Variants in WWOX observed in about 807,000 individuals in gnomAD.
WWOX encodes WW domain-containing oxidoreductase.
WWOX carries 69 observed loss-of-function variants against 46.2 expected under a neutral mutation model. The ratio of observed to expected loss-of-function variants is 1.49; its 90% confidence interval spans 1.23 to 1.82. The LOEUF (loss-of-function observed/expected upper bound fraction) is 1.82. Ranked by LOEUF, WWOX falls within the 40% of genes most tolerant of loss-of-function variation. The pLI, the probability that WWOX is intolerant of heterozygous loss-of-function variation, is 0.00. For synonymous variants in WWOX, 359 were observed against 202.6 expected, an observed-to-expected ratio of 1.77 and a Z score of -6.56; for missense variants, 919 against 542.6, an observed-to-expected ratio of 1.69 and a Z score of -6.89.
chr16:78,709,752 A>G (rs969964452), intron 8 of WWOX, among the ~76,000 whole-genome samples: 2 of 137,012 alleles, frequency 1.5e-5, no homozygotes, highest in Non-Finnish European at 1.6e-5. Context: ...TTTTTTTGTG[A>G]TAATCTCTCT....
At chr16:78,960,246 C>A (rs2046247440) in intron 8 of WWOX, among the ~76,000 whole-genome samples, 1 of 152,190 alleles carries the variant, frequency 6.6e-6, no homozygotes, top group South Asian at 2.1e-4. Context: ...GGTCATAGGA[C>A]AAAGACCTCC....
intron 7 of WWOX, among the ~76,000 whole-genome samples, chr16:78,427,264 G>A (rs1249105799): frequency 6.6e-6 from 1 of 152,180 alleles, no homozygotes; most frequent in Non-Finnish European, 1.5e-5. Flanking sequence ...ATACTAGACT[G>A]CTCCAAGGCA....
intron 8 of WWOX, among the ~76,000 whole-genome samples, chr16:78,920,196 G>C (rs1020273373): frequency 6.6e-6 from 1 of 152,080 alleles, no homozygotes; most frequent in Non-Finnish European, 1.5e-5. Flanking sequence ...CTTCTCTCTA[G>C]GACTCCAGGG....
Position 78,206,677 on chromosome 16 carries a change from A to G in WWOX, c.516+42388A>G, listed in dbSNP as rs2036405905. ...GTAGATACAATTAATAGTTATGAAA[A>G]TCATTACTGATTACCTCCAGGGTTC... On this transcript the variant is annotated intron_variant, in intron 5 of 8. Transcript: ENST00000566780. Among the ~76,000 whole-genome samples the G allele has an allele frequency of 2.0e-5, 3 of 152,276 alleles. No individual in the cohort carries two copies. The South Asian group carries it at 6.2e-4, about 32-fold the overall frequency.
Position 78,538,102 on chromosome 16 carries a change from G to T in WWOX, c.1056+105350G>T, listed in dbSNP as rs77907866. 1.7e-3 allele frequency among the ~76,000 whole-genome samples: 261 copies of T among 151,540 alleles called. 1 individual carries two copies. The highest frequency in any genetic ancestry group is 6.1e-3 in the African/African-American group (251 of 41,282). On this transcript the variant is annotated intron_variant, in intron 8 of 8. Transcript: ENST00000566780. Reference sequence around the variant, plus strand: ...ACAGAAGGGGGTAATTATTTTATTTGGAAGAACAAATTTAAGTTTGGCAGT... The same window carrying T: ...ACAGAAGGGGGTAATTATTTTATTTTGAAGAACAAATTTAAGTTTGGCAGT...
At chr16:78,710,627 T>A (rs867314696) in intron 8 of WWOX, among the ~76,000 whole-genome samples, 53 of 149,538 alleles carry the variant, frequency 3.5e-4, no homozygotes, top group Middle Eastern at 7.1e-3. Flanking sequence ...ATAGATTTTG[T>A]TTTTTGAGAC....
intron 5 of WWOX, among the ~76,000 whole-genome samples, chr16:78,336,170 C>T (rs2080883743): frequency 6.6e-6 from 1 of 151,822 alleles, no homozygotes; most frequent in Non-Finnish European, 1.5e-5. Context: ...CTTGTCTTGG[C>T]CAATGAAATG....
chr16:78,970,083 A>G (rs1168554228), intron 8 of WWOX, among the ~76,000 whole-genome samples: 3 of 152,182 alleles, frequency 2.0e-5, no homozygotes, highest in Non-Finnish European at 2.9e-5. Context: ...AAATTTCCCA[A>G]GTGCCCTCAT....
At chr16:78,255,448 C>T (rs2038101863) in intron 5 of WWOX, among the ~76,000 whole-genome samples, 1 of 152,220 alleles carries the variant, frequency 6.6e-6, no homozygotes, top group African/African-American at 2.4e-5. Flanking sequence ...TTACTTCTCT[C>T]TTTGTTGCTT....
At chr16:78,774,297 A>G (rs890252705) in intron 8 of WWOX, among the ~76,000 whole-genome samples, 4 of 152,154 alleles carry the variant, frequency 2.6e-5, no homozygotes, top group Non-Finnish European at 5.9e-5. Context: ...GCTACTCAGG[A>G]GGCTGAAAAA....
chr16:78,981,981 C>T (rs758097361), intron 8 of WWOX: 1 of 152,250 alleles, frequency 6.6e-6, no homozygotes, highest in East Asian at 1.9e-4. Flanking sequence ...TTGAAGGCTC[C>T]AGTGTTTTGA....
At chr16:78,876,654 G>A (rs1038159604) in intron 8 of WWOX, among the ~76,000 whole-genome samples, 1 of 152,098 alleles carries the variant, frequency 6.6e-6, no homozygotes, top group Non-Finnish European at 1.5e-5. Context: ...AAAGGCAGAA[G>A]TTCTGGCTAT....
At chr16:78,151,966 A>G (rs1203680737) in intron 4 of WWOX, among the ~76,000 whole-genome samples, 6 of 152,144 alleles carry the variant, frequency 3.9e-5, no homozygotes, top group Non-Finnish European at 8.8e-5. Context: ...CGAGGCGGGC[A>G]GATCACGAGG....
At chr16:78,903,851 T>C (rs560161494) in intron 8 of WWOX, among the ~76,000 whole-genome samples, 1 of 152,332 alleles carries the variant, frequency 6.6e-6, no homozygotes, top group South Asian at 2.1e-4. Flanking sequence ...TTCTATTTAG[T>C]TCTCAGAACT....
chr16:78,673,373 C>G (rs866468074), intron 8 of WWOX, among the ~76,000 whole-genome samples: 3 of 152,170 alleles, frequency 2.0e-5, no homozygotes, highest in African/African-American at 4.8e-5. Flanking sequence ...CTCTCTAACA[C>G]CACGTTTATT....
chr16:78,402,050 A>G (rs915880111), intron 6 of WWOX, among the ~76,000 whole-genome samples: 4 of 152,208 alleles, frequency 2.6e-5, no homozygotes, highest in African/African-American at 7.2e-5. Context: ...TACGTTCACA[A>G]AGTTACGTTA....
Position 79,189,934 on chromosome 16 carries a change from A to AG in WWOX, c.1057-21664dup, listed in dbSNP as rs67451675. On this transcript the variant is annotated intron_variant, in intron 8 of 8. Transcript: ENST00000566780. ...GGTGACAGCTGGTATGGGGTGGGGA[A>AG]GGGGGGGGGGATAAAGATATTAATT... is the stretch of plus-strand genomic sequence containing the variant. 7.1e-3 allele frequency among the ~76,000 whole-genome samples: 646 copies of AG among 91,164 alleles called. 5 individuals carry two copies. Among genetic ancestry groups the AG allele is most frequent in the Middle Eastern group, 0.014 (3 of 218 alleles). The allele number at this position is 91,164 out of a possible 152,430, so 59.8% of individuals were successfully genotyped here. A position where few individuals can be genotyped will look rare whatever the true frequency, so the allele number is the denominator to read the frequency against.
chr16:78,406,147 A>G (rs1314174295), intron 6 of WWOX, among the ~76,000 whole-genome samples: 1 of 151,534 alleles, frequency 6.6e-6, no homozygotes, highest in Non-Finnish European at 1.5e-5. Flanking sequence ...AACTTAAGCC[A>G]ACTATATCGT....
intron 8 of WWOX, among the ~76,000 whole-genome samples, chr16:78,769,862 T>TA (rs1037040070): frequency 4.6e-5 from 7 of 150,554 alleles, no homozygotes; most frequent in African/African-American, 1.7e-4. Flanking sequence ...AAAAATAAAA[T>TA]AAAAAAATAA....
Sources: gnomAD v4.1 joint callset for allele counts (sites outside exome capture counted in the v4.1 genomes callset) on GRCh38, gnomAD v4.1.1 for gene constraint, MANE v1.5 for transcripts, NCBI Gene and HGNC (gene_info 2026-07-23, HGNC 2026-07-21) for gene names.